Variants in NKTR observed in about 807,000 individuals in gnomAD.
The protein encoded by NKTR is NK-tumor recognition protein.
In NKTR, 67 loss-of-function variants were observed where a neutral mutation model predicts 156.3. That is an observed-to-expected ratio of 0.43 (90% CI 0.35 to 0.53). The LOEUF (loss-of-function observed/expected upper bound fraction) is 0.53, where lower values mean the gene tolerates loss of function less well. NKTR is among the 20% of genes least tolerant of loss of function. The pLI, the probability that NKTR is intolerant of heterozygous loss-of-function variation, is 0.01. For missense variants in NKTR, 1,604 were observed against 1,730.9 expected (o/e 0.93, Z 1.30); for synonymous variants, 640 against 596.6 (o/e 1.07, Z -1.06).
chr3:42,631,561 T>G (rs529397007), intron 8 of NKTR, among the ~76,000 whole-genome samples: 7 of 152,346 alleles, frequency 4.6e-5, no homozygotes, highest in Non-Finnish European at 8.8e-5. Context: ...GTCGTAACTG[T>G]TTACCTTGCC....
intron 2 of NKTR, among the ~76,000 whole-genome samples, chr3:42,603,375 A>C (rs1169232407): frequency 1.5e-4 from 22 of 148,606 alleles, no homozygotes; most frequent in South Asian, 4.2e-4. Context: ...AAAAAAAAAA[A>C]AAAAAAAAAA....
Position 42,619,698 on chromosome 3 carries a change from A to G in NKTR, c.276A>G (p.Gly92=). The G allele has an allele frequency of 1.9e-6, 3 of 1,610,552 alleles. No individual in the cohort carries two copies. The highest frequency in any genetic ancestry group is 2.5e-6 in the Non-Finnish European group (3 of 1,177,614). ...NGKGGESIYG[G]YFKDENFILK... ...AAGGTGGAGAATCAATTTATGGTGG[A>G]TATTTTAAAGGTAAGGCTTAATATT... The change falls in exon 5 of 17, where the codon GGA becomes GGG. Residue 92 remains glycine, a synonymous_variant. Transcript: ENST00000232978.
At chr3:42,643,274 A>G (rs1345387884) in intron 14 of NKTR, 65 bp from the exon 15 acceptor site, 1 of 1,248,158 alleles carries the variant, frequency 8.0e-7, no homozygotes, top group Non-Finnish European at 1.2e-6. Context: ...AAATGTCTAG[A>G]TATTTGGTAT....
intron 6 of NKTR, chr3:42,629,762 C>G: frequency 2.0e-6 from 2 of 985,268 alleles, no homozygotes; most frequent in Non-Finnish European, 2.4e-6. Flanking sequence ...TATGGGAAAA[C>G]TAGCTTGGGT....
At chr3:42,607,969 C>CTTTTTTTTT (rs201803926) in intron 2 of NKTR, among the ~76,000 whole-genome samples, 51 of 74,950 alleles carry the variant, frequency 6.8e-4, no homozygotes, top group Non-Finnish European at 1.1e-3. Context: ...CTGAGTCGCT[C>CTTTTTTTTT]TTTTTTTTTT....
At position 42,634,605 on chromosome 3, in the gene NKTR, T is replaced by C. The variant is rs750941563; in HGVS notation, c.930-8T>C. The C allele has an allele frequency of 6.7e-7, 1 of 1,496,952 alleles. No homozygotes were observed. The highest frequency in any genetic ancestry group is 2.1e-5 in the Admixed American group (1 of 47,876). 92.7% of individuals were successfully genotyped at this position (1,496,952 alleles called of 1,614,324 possible). A position where few individuals can be genotyped will look rare whatever the true frequency, so the allele number is the denominator to read the frequency against. On this transcript the variant is annotated splice_region_variant and splice_polypyrimidine_tract_variant and intron_variant, in intron 10 of 16. Coordinates refer to ENST00000232978, the MANE Select transcript of NKTR (RefSeq NM_005385.4). ...TTTTTAATTTTCATCACAATCTTCT[T>C]TTCCTAGGAAGATTCCTGATGTTGC...
intron 8 of NKTR, 50 bp from the exon 9 acceptor site, chr3:42,632,551 A>G (rs1709017729): frequency 9.0e-7 from 1 of 1,114,910 alleles, no homozygotes; most frequent in African/African-American, 1.6e-5. Flanking sequence ...TTACTCTGAA[A>G]GGTAGGCACT....
chr3:42,617,820 G>A (rs1276449554), intron 3 of NKTR, among the ~76,000 whole-genome samples, 176 bp downstream of exon 3: 2 of 151,776 alleles, frequency 1.3e-5, no homozygotes, highest in African/African-American at 4.8e-5. Context: ...TTTCTTAAGG[G>A]GAAGAGATTA....
chr3:42,604,318 AT>A (rs956469788), intron 2 of NKTR, among the ~76,000 whole-genome samples: 4 of 150,206 alleles, frequency 2.7e-5, no homozygotes, highest in Non-Finnish European at 3.0e-5. Flanking sequence ...GCTTGCTTCA[AT>A]TTTTATTTTG....
Position 42,637,653 on chromosome 3 carries a change from A to G in NKTR, c.1949A>G (p.Tyr650Cys). The change falls in exon 13 of 17, where the codon TAC becomes TGC. Residue 650 changes from tyrosine to cysteine, a missense_variant. Around this residue, in one of 6 missense-constraint regions of NKTR, gnomAD observed 1,255 missense variants for 1,243.7 expected, o/e 1.01. Transcript: ENST00000232978. ...TTHLLPIQST[Y>C]SLANIKETGS... is the part of the protein sequence containing the mutation. ...CATTTGCTACCCATCCAAAGCACTT[A>G]CAGTTTAGCAAATATTAAAGAGACT... 6.2e-7 allele frequency: 1 copy of G among 1,612,538 alleles called. No individual in the cohort carries two copies.
intron 16 of NKTR, among the ~76,000 whole-genome samples, chr3:42,644,358 A>T (rs1050208122): frequency 6.6e-6 from 1 of 152,142 alleles, no homozygotes; most frequent in Non-Finnish European, 1.5e-5. Context: ...CATTTTTTTT[A>T]AATAAAAAAA....
At chr3:42,620,345 T>G (rs1707798571) in intron 5 of NKTR, 1 of 1,122,588 alleles carries the variant, frequency 8.9e-7, no homozygotes, top group South Asian at 3.8e-5. Context: ...CTTTTGTATA[T>G]TAGAACTATG....
chr3:42,601,465 C>A lies in NKTR; in HGVS notation c.58+401C>A, dbSNP rs117852345. On this transcript the variant is annotated intron_variant, in intron 2 of 16. Transcript: ENST00000232978. Reference sequence around the variant, plus strand: ...TAGGAAATATTGTGTGTTTCCTAATCACGATATATCACTAATATGTTAATT... The same window carrying A: ...TAGGAAATATTGTGTGTTTCCTAATAACGATATATCACTAATATGTTAATT... The A allele has an allele frequency of 3.5e-4, 55 of 157,056 alleles. No homozygotes were observed. The East Asian group carries it at 8.8e-3, about 25-fold the overall frequency. The allele number at this position is 157,056 out of a possible 1,614,324, so 9.7% of individuals were successfully genotyped here.
At chr3:42,633,125 C>A in intron 9 of NKTR, 2 of 598,322 alleles carry the variant, frequency 3.3e-6, no homozygotes, top group Non-Finnish European at 4.4e-6. Flanking sequence ...CTGCATCCTC[C>A]ACCTCCTGGG....
chr3:42,642,541 A>G lies in NKTR; in HGVS notation c.4087A>G (p.Ser1363Gly), dbSNP rs763338016. ...YSRSRSRGWY[S>G]RGRTRSRSSS... Reference sequence around the variant, plus strand: ...TAGAAGTCGGAGCAGAGGATGGTACAGCAGAGGCCGAACCAGAAGCCGGAG... The same window carrying G: ...TAGAAGTCGGAGCAGAGGATGGTACGGCAGAGGCCGAACCAGAAGCCGGAG... Residue 1363 changes from serine (S) to glycine (G), a missense_variant, in exon 14 of 17, where the codon AGC (serine) becomes GGC (glycine). Physicochemically the swap from Ser to Gly is moderately conservative, Grantham distance 56 (BLOSUM62 0). This residue lies in a region of NKTR where 193 missense variants were observed against 220.2 expected (regional missense o/e 0.88). Transcript: ENST00000232978. The G allele has an allele frequency of 1.9e-5, 31 of 1,614,040 alleles. No individual in the cohort carries two copies. The highest frequency in any genetic ancestry group is 2.2e-5 in the Non-Finnish European group (26 of 1,179,970).
Position 42,638,082 on chromosome 3 carries a change from C to T in NKTR, c.2378C>T (p.Ser793Leu). The T allele has an allele frequency of 6.2e-7, 1 of 1,614,066 alleles. No individual in the cohort carries two copies. Among genetic ancestry groups the T allele is most frequent in the Non-Finnish European group, 8.5e-7 (1 of 1,179,996 alleles). Reference sequence around the variant, plus strand: ...TATGTCAAAGGTAGAGACAGGTCTTCATGTGTGAGAAAGTATAGCGAGAGC... The same window carrying T: ...TATGTCAAAGGTAGAGACAGGTCTTTATGTGTGAGAAAGTATAGCGAGAGC... The part of the protein sequence containing the change: ...SKYVKGRDRS[S>L]CVRKYSESRS... Residue 793 changes from serine (S) to leucine (L), a missense_variant, in exon 13 of 17, where the codon TCA becomes TTA. Around this residue, in one of 6 missense-constraint regions of NKTR, gnomAD observed 1,255 missense variants for 1,243.7 expected, o/e 1.01. Coordinates refer to ENST00000232978, the MANE Select transcript of NKTR (RefSeq NM_005385.4).
chr3:42,636,950 T>A lies in NKTR; in HGVS notation c.1246T>A (p.Ser416Thr). 6.2e-7 allele frequency: 1 copy of A among 1,607,696 alleles called. No individual in the cohort carries two copies. Among genetic ancestry groups the A allele is most frequent in the Non-Finnish European group, 8.5e-7 (1 of 1,178,538 alleles). ...SRSWSYNGYY[S>T]DLSTARHSGH... Reference sequence around the variant, plus strand: ...ATCATGGTCCTATAATGGATATTATTCAGACCTTAGTACAGCAAGACACTC... The same window carrying A: ...ATCATGGTCCTATAATGGATATTATACAGACCTTAGTACAGCAAGACACTC... Residue 416 changes from serine to threonine, a missense_variant, in exon 13 of 17, where the codon TCA becomes ACA. Around this residue, in one of 6 missense-constraint regions of NKTR, gnomAD observed 1,255 missense variants for 1,243.7 expected, o/e 1.01. Transcript: ENST00000232978.
rs769034962 is a variant in NKTR at position 42,632,611 on chromosome 3, A to G, written c.561A>G (p.Lys187=). 3.4e-5 allele frequency: 55 copies of G among 1,598,234 alleles called. No individual in the cohort carries two copies. Among genetic ancestry groups the G allele is most frequent in the Non-Finnish European group, 4.6e-5 (54 of 1,175,296 alleles). The change falls in exon 9 of 17, where the codon AAA becomes AAG. Residue 187 remains lysine, a synonymous_variant. Coordinates refer to ENST00000232978, the MANE Select transcript of NKTR (RefSeq NM_005385.4). ...ATKSIKDVFE[K]KRKKPTHSEG... is the part of the protein sequence containing the mutation. Reference sequence around the variant, plus strand: ...AATGTTTCTTAAAAGTTTTTGAGAAAAAAAGGAAGAAACCAACTCATTCAG... The same window carrying G: ...AATGTTTCTTAAAAGTTTTTGAGAAGAAAAGGAAGAAACCAACTCATTCAG...
intron 8 of NKTR, among the ~76,000 whole-genome samples, chr3:42,632,135 T>G (rs1708974818): frequency 6.9e-6 from 1 of 145,686 alleles, no homozygotes; most frequent in Non-Finnish European, 1.5e-5. Context: ...AGTGGCACTA[T>G]CTCGGCTCAC....
Sources: gnomAD v4.1 joint callset for allele counts (sites outside exome capture counted in the v4.1 genomes callset) on GRCh38, gnomAD v4.1.1 for gene constraint, gnomAD v4.1.1 regional missense constraint, MANE v1.5 for transcripts, NCBI Gene and HGNC (gene_info 2026-07-23, HGNC 2026-07-21) for gene names.